PLA2G4E: variants seen among roughly 807,000 people sequenced by gnomAD.
The protein encoded by PLA2G4E is phospholipase A2 group IVE, also known as cytosolic phospholipase A2 epsilon.
In PLA2G4E, 84 loss-of-function variants were observed where a neutral mutation model predicts 109.1. The ratio of observed to expected loss-of-function variants is 0.77; its 90% CI spans 0.65 to 0.92. PLA2G4E has a LOEUF of 0.92. Among genes scored for constraint, PLA2G4E ranks in the 40% least tolerant of loss-of-function variants. The pLI is 0.00. For missense variants in PLA2G4E, 1,057 were observed against 1,076.6 expected, an observed-to-expected ratio of 0.98 and a Z score of 0.25; for synonymous variants, 469 against 436.1, an observed-to-expected ratio of 1.08 and a Z score of -0.94.
chr15:41,997,526 T>C, intron 10 of PLA2G4E: 1 of 275,686 alleles, frequency 3.6e-6, no homozygotes, highest in Non-Finnish European at 6.7e-6. Flanking sequence ...AAAAGATAAC[T>C]GTTGGCACTG....
intron 1 of PLA2G4E, among the ~76,000 whole-genome samples, chr15:42,042,935 G>A (rs2141077842): frequency 6.6e-6 from 1 of 152,358 alleles, no homozygotes; most frequent in South Asian, 2.1e-4. Context: ...ACCAGAAAGG[G>A]TTAGACTGAT....
chr15:42,023,013 A>T (rs1049887844), intron 1 of PLA2G4E, among the ~76,000 whole-genome samples: 1 of 152,034 alleles, frequency 6.6e-6, no homozygotes, highest in Admixed American at 6.6e-5. Flanking sequence ...GGAGGAAGAG[A>T]GAGGCATCCT....
At chr15:42,031,762 G>A (rs1311059993) in intron 1 of PLA2G4E, among the ~76,000 whole-genome samples, 1 of 152,214 alleles carries the variant, frequency 6.6e-6, no homozygotes, top group Non-Finnish European at 1.5e-5. Context: ...GAGAGGGAAG[G>A]GGAGGTCTTC....
At chr15:41,990,994 T>C (rs937991) in intron 13 of PLA2G4E, among the ~76,000 whole-genome samples, 143,455 of 152,022 alleles carry the variant, frequency 0.94, 67,860 homozygotes, top group African/African-American at 0.98. Flanking sequence ...CTACAGAACC[T>C]GTGTGGAATG....
chr15:42,036,000 T>A (rs1272560814), intron 1 of PLA2G4E, among the ~76,000 whole-genome samples: 2 of 147,958 alleles, frequency 1.4e-5, no homozygotes, highest in African/African-American at 4.9e-5. Context: ...ACATGTTTTT[T>A]TTCTCTACTT....
At chr15:41,989,319 C>A in intron 15 of PLA2G4E, 96 bp downstream of exon 15, 2 of 1,515,392 alleles carry the variant, frequency 1.3e-6, no homozygotes, top group Non-Finnish European at 1.8e-6. Context: ...ACAATGCTGG[C>A]AAGTGCCCCG....
At chr15:42,049,362 TCATC>T (rs1889470307) in intron 1 of PLA2G4E, among the ~76,000 whole-genome samples, 1 of 152,202 alleles carries the variant, frequency 6.6e-6, no homozygotes, top group African/African-American at 2.4e-5. Context: ...TGACATGAAT[TCATC>T]CATGCGGGCA....
chr15:41,985,389 T>G (rs930868043), intron 18 of PLA2G4E, among the ~76,000 whole-genome samples: 1 of 152,202 alleles, frequency 6.6e-6, no homozygotes, highest in Non-Finnish European at 1.5e-5. Flanking sequence ...TTCTGACAAG[T>G]GCCCTCCTCT....
At chr15:42,013,186 T>C (rs2068554761) in intron 2 of PLA2G4E, among the ~76,000 whole-genome samples, 1 of 152,180 alleles carries the variant, frequency 6.6e-6, no homozygotes, top group Non-Finnish European at 1.5e-5. Flanking sequence ...GACTCTGGCA[T>C]GGTCCCCAGA....
intron 2 of PLA2G4E, among the ~76,000 whole-genome samples, chr15:42,008,657 A>C (rs778839624): frequency 4.6e-5 from 7 of 152,224 alleles, no homozygotes; most frequent in Non-Finnish European, 1.0e-4. Flanking sequence ...GAGCAACAGA[A>C]GGGATAGGGT....
intron 2 of PLA2G4E, among the ~76,000 whole-genome samples, chr15:42,010,671 G>A (rs1342064091): frequency 6.6e-6 from 1 of 152,182 alleles, no homozygotes; most frequent in Non-Finnish European, 1.5e-5. Flanking sequence ...CTCTATAGAT[G>A]TTCAGAACTT....
Position 42,024,436 on chromosome 15 carries a change from T to C in PLA2G4E, c.184-10679A>G, listed in dbSNP as rs562302705. 5.3e-4 allele frequency among the ~76,000 whole-genome samples: 80 copies of C among 152,340 alleles called. 1 individual carries two copies. Among genetic ancestry groups the C allele is most frequent in the Middle Eastern group, 6.8e-3 (2 of 294 alleles). On this transcript the variant is annotated intron_variant, in intron 1 of 19. Coordinates refer to ENST00000399518, the Ensembl canonical transcript of PLA2G4E. ...GGCCCAGCCTTGCTGCTGTGTGCGC[T>C]GAGGCCTCCGACTCCAGGCCTGTCG...
chr15:41,992,855 A>G, exon 13 of PLA2G4E: 5 of 1,614,042 alleles, frequency 3.1e-6, no homozygotes, highest in Non-Finnish European at 4.2e-6. Context: ...GTCTGGGAAC[A>G]GGGAGGGTAG....
At chr15:42,021,156 T>C (rs1415191055) in intron 1 of PLA2G4E, among the ~76,000 whole-genome samples, 114 bp from the exon 1 acceptor site, 1 of 151,740 alleles carries the variant, frequency 6.6e-6, no homozygotes, top group Non-Finnish European at 1.5e-5. Context: ...GGTAGACAGA[T>C]AGGGTGCATG....
chr15:42,023,367 T>C (rs1405835838), intron 1 of PLA2G4E, among the ~76,000 whole-genome samples: 3 of 151,134 alleles, frequency 2.0e-5, no homozygotes, highest in Non-Finnish European at 4.4e-5. Context: ...CAAATAATCA[T>C]GACCCTAAAA....
chr15:42,016,688 C>T (rs774138235), intron 1 of PLA2G4E, among the ~76,000 whole-genome samples: 5 of 152,144 alleles, frequency 3.3e-5, no homozygotes, highest in Non-Finnish European at 5.9e-5. Flanking sequence ...GGGAAGGTCA[C>T]GTTATTTAGC....
rs568844287 is a variant in PLA2G4E, at chr15:41,992,962, G to A, written c.1248-3C>T. 3.7e-6 allele frequency: 6 copies of A among 1,607,926 alleles called. No individual in the cohort carries two copies. Among genetic ancestry groups the A allele is most frequent in the African/African-American group, 2.7e-5 (2 of 74,900 alleles). On this transcript the variant is annotated splice_region_variant and splice_polypyrimidine_tract_variant and intron_variant, in intron 12 of 19. Transcript: ENST00000399518. ...CACGGTACAAGGTAGCCATGGTCCT[G>A]GAAAGAGACAGGCACAGCTGATAGG... is the stretch of plus-strand genomic sequence containing the variant.
At chr15:42,044,311 G>A (rs953508093) in intron 1 of PLA2G4E, among the ~76,000 whole-genome samples, 5 of 152,144 alleles carry the variant, frequency 3.3e-5, no homozygotes, top group Non-Finnish European at 7.3e-5. Context: ...TAGGAAAATC[G>A]GGGTTAGCTA....
intron 17 of PLA2G4E, 87 bp from the exon 18 acceptor site, chr15:41,986,092 C>T (rs2068137512): frequency 7.1e-7 from 1 of 1,401,666 alleles, no homozygotes; most frequent in African/African-American, 1.4e-5. Flanking sequence ...AGCGCCCTGT[C>T]TGGAGCATCC....
Sources: gnomAD v4.1 joint callset for allele counts (sites outside exome capture counted in the v4.1 genomes callset) on GRCh38, gnomAD v4.1.1 for gene constraint, MANE v1.5 for transcripts, NCBI Gene and HGNC (gene_info 2026-07-23, HGNC 2026-07-21) for gene names.